The following REPS1 variants were observed in gnomAD, a reference collection of about 807,000 sequenced individuals.
The protein encoded by REPS1 is RALBP1 associated Eps domain containing 1.
In REPS1, 39 loss-of-function variants were observed where a neutral mutation model predicts 100.9. The ratio of observed to expected loss-of-function variants is 0.39; its 90% CI spans 0.30 to 0.50. The LOEUF (loss-of-function observed/expected upper bound fraction) is 0.50, where lower values mean the gene tolerates loss of function less well. Among genes scored for constraint, REPS1 ranks in the 20% least tolerant of loss-of-function variants. REPS1 has a pLI of 0.86. For missense variants in REPS1, 821 were observed against 968.5 expected (o/e 0.85, Z 2.02); for synonymous variants, 324 against 340.3 (o/e 0.95, Z 0.53).
In REPS1 at chr6:138,934,467, C is replaced by T. The variant is rs76525189; in HGVS notation, c.1136-4369G>A. ...TCACACTGACCTACGGCTTATTCTA[C>T]ATTTGTTTTAAGTTTGCAAACACTG... On this transcript the variant is annotated intron_variant, in intron 8 of 19. Coordinates refer to ENST00000450536, the MANE Select transcript of REPS1 (RefSeq NM_001286611.2). 3,095 of 349,846 alleles carry T rather than the reference C, an allele frequency of 8.8e-3. 95 individuals are homozygous for T. The highest frequency in any genetic ancestry group is 0.061 in the African/African-American group (2,840 of 46,886). The allele number at this position is 349,846 out of a possible 1,614,324, so 21.7% of individuals were successfully genotyped here. A position where few individuals can be genotyped will look rare whatever the true frequency, so the allele number is the denominator to read the frequency against.
Position 138,911,572 on chromosome 6 carries a change from G to A in REPS1, c.1972-201C>T, listed in dbSNP as rs150440477. Among the ~76,000 whole-genome samples the A allele has an allele frequency of 2.9e-3, 448 of 152,312 alleles. 1 individual carries two copies. Among genetic ancestry groups the A allele is most frequent in the African/African-American group, 0.01 (425 of 41,564 alleles). On this transcript the variant is annotated intron_variant, in intron 16 of 19. Transcript: ENST00000450536. ...ATGGGAGAGCAGGTAATAGATGTGT[G>A]AGGGAGAGGAGGACAGGGCAAGGAT...
intron 1 of REPS1, among the ~76,000 whole-genome samples, chr6:138,974,723 G>A (rs1056437521): frequency 6.6e-6 from 1 of 152,148 alleles, no homozygotes; most frequent in Non-Finnish European, 1.5e-5. Context: ...CAATATCAGA[G>A]TTAATTAACT....
chr6:138,922,576 A>G (rs1780849359), intron 10 of REPS1, among the ~76,000 whole-genome samples: 1 of 152,222 alleles, frequency 6.6e-6, no homozygotes, highest in Non-Finnish European at 1.5e-5. Flanking sequence ...CCTAGGACAC[A>G]GTAGGCCTGA....
rs185246447 is a variant in REPS1 at position 138,936,581 on chromosome 6, C to T, written c.1135+4754G>A. Among the ~76,000 whole-genome samples the T allele has an allele frequency of 1.2e-3, 119 of 102,370 alleles. No individual in the cohort carries two copies. The East Asian group carries it at 0.023, about 20-fold the overall frequency. 67.2% of individuals were successfully genotyped at this position (102,370 alleles called of 152,430 possible). A position where few individuals can be genotyped will look rare whatever the true frequency, so the allele number is the denominator to read the frequency against. Reference sequence around the variant, plus strand: ...AGAAATGACACACGACAGAGAGAGACGGCAGGGTGGGGGGGGAGACAGACA... The same window carrying T: ...AGAAATGACACACGACAGAGAGAGATGGCAGGGTGGGGGGGGAGACAGACA... On this transcript the variant is annotated intron_variant, in intron 8 of 19. Transcript: ENST00000450536.
At chr6:138,933,684 T>C (rs1409380965) in intron 8 of REPS1, among the ~76,000 whole-genome samples, 1 of 152,238 alleles carries the variant, frequency 6.6e-6, no homozygotes, top group East Asian at 1.9e-4. Flanking sequence ...CCACCCCTTT[T>C]ACAATTTTTT....
chr6:138,916,478 C>G (rs1414383154), intron 13 of REPS1, among the ~76,000 whole-genome samples: 1 of 151,984 alleles, frequency 6.6e-6, no homozygotes, highest in Non-Finnish European at 1.5e-5. Flanking sequence ...ACCTTAGCCT[C>G]CCAAAGTGCT....
At position 138,908,804 on chromosome 6, in the gene REPS1, T is replaced by A. The variant is rs761430281; in HGVS notation, c.2080A>T (p.Thr694Ser). 6 of 1,613,486 alleles carry A rather than the reference T, an allele frequency of 3.7e-6. No individual in the cohort carries two copies. In the African/African-American group the frequency reaches 8.0e-5, roughly 22 times the overall value. The change falls in exon 18 of 20, where the codon ACA (threonine) becomes TCA (serine). Residue 694 changes from threonine (T) to serine (S), a missense_variant. Thr to Ser is a moderately conservative substitution (Grantham distance 58). This residue lies in a region of REPS1 where 757 missense variants were observed against 866.4 expected (regional missense o/e 0.87). Coordinates refer to ENST00000450536, the MANE Select transcript of REPS1 (RefSeq NM_001286611.2). ...GGTTTAGGTGGTGGAGCAAGTGGTG[T>A]TGTGCCTTTGCTCTTTAAGACAAGA... The part of the protein sequence containing the change: ...SAPANVSKGT[T>S]PLAPPPKPVR...
chr6:138,941,630 T>C, intron 7 of REPS1, 141 bp from the exon 8 acceptor site: 1 of 766,590 alleles, frequency 1.3e-6, no homozygotes, highest in East Asian at 2.6e-5. Flanking sequence ...GAAAGATGTG[T>C]AATATAGCAA....
intron 18 of REPS1, among the ~76,000 whole-genome samples, chr6:138,907,807 A>T (rs924139496): frequency 3.3e-5 from 5 of 152,212 alleles, no homozygotes; most frequent in Non-Finnish European, 5.9e-5. Context: ...AGAAATTATT[A>T]AAAAAATTCT....
At chr6:138,905,803 G>A (rs1313883102) in intron 19 of REPS1, among the ~76,000 whole-genome samples, 1 of 152,082 alleles carries the variant, frequency 6.6e-6, no homozygotes, top group Non-Finnish European at 1.5e-5. Flanking sequence ...ATGACATCTG[G>A]CTATATCAAC....
At chr6:138,907,802 T>A (rs1447662891) in intron 18 of REPS1, among the ~76,000 whole-genome samples, 1 of 151,600 alleles carries the variant, frequency 6.6e-6, no homozygotes, top group African/African-American at 2.4e-5. Context: ...AAAAAAGAAA[T>A]TATTAAAAAA....
intron 7 of REPS1, among the ~76,000 whole-genome samples, chr6:138,941,888 A>AT (rs1019023087): frequency 6.6e-6 from 1 of 151,792 alleles, no homozygotes; most frequent in Non-Finnish European, 1.5e-5. Context: ...TTTTGTTTTT[A>AT]TTTTTTTTGA....
intron 5 of REPS1, 87 bp downstream of exon 5, chr6:138,944,411 A>G: frequency 6.9e-7 from 1 of 1,445,710 alleles, no homozygotes; most frequent in South Asian, 1.3e-5. Context: ...CATTTATAAA[A>G]TCTGCAACAG....
intron 7 of REPS1, among the ~76,000 whole-genome samples, chr6:138,941,807 G>A (rs62442370): frequency 0.031 from 4,671 of 152,236 alleles, 116 homozygotes; most frequent in African/African-American, 0.067. Flanking sequence ...GAAGGCATAC[G>A]TAATAAGTTA....
chr6:138,920,521 T>C (rs1004964265), intron 11 of REPS1, among the ~76,000 whole-genome samples: 1 of 152,212 alleles, frequency 6.6e-6, no homozygotes, highest in African/African-American at 2.4e-5. Flanking sequence ...AGAAGATAGT[T>C]TATAATGAAA....
chr6:138,968,578 T>C (rs1784140635), intron 1 of REPS1, among the ~76,000 whole-genome samples: 1 of 152,212 alleles, frequency 6.6e-6, no homozygotes, highest in African/African-American at 2.4e-5. Flanking sequence ...GCCATGTTCA[T>C]GGACCACTTG....
chr6:138,947,129 T>G (rs1352066082), intron 2 of REPS1, among the ~76,000 whole-genome samples: 2 of 151,900 alleles, frequency 1.3e-5, no homozygotes, highest in Admixed American at 6.6e-5. Flanking sequence ...GCCACGATTG[T>G]AGGTTTCCTG....
At chr6:138,954,169 G>A (rs1783227382) in intron 1 of REPS1, among the ~76,000 whole-genome samples, 1 of 151,694 alleles carries the variant, frequency 6.6e-6, no homozygotes, top group Admixed American at 6.6e-5. Context: ...AGTATACCAA[G>A]GCTACGAAGG....
Position 138,921,236 on chromosome 6 carries a change from A to G in REPS1, c.1339-112T>C, listed in dbSNP as rs369771862. ...CCAGTGGACAGGCTTTCCCATTTAC[A>G]CTAAGGCAGGCATGAAAATAAGCTT... On this transcript the variant is annotated intron_variant, in intron 10 of 19. Coordinates refer to ENST00000450536, the MANE Select transcript of REPS1 (RefSeq NM_001286611.2). 8 of 651,356 alleles carry G rather than the reference A, an allele frequency of 1.2e-5. 1 individual carries two copies. Among genetic ancestry groups the G allele is most frequent in the East Asian group, 2.8e-5 (1 of 35,278 alleles). The allele number at this position is 651,356 out of a possible 1,614,324, so 40.3% of individuals were successfully genotyped here. A position where few individuals can be genotyped will look rare whatever the true frequency, so the allele number is the denominator to read the frequency against.
Sources: gnomAD v4.1 joint callset for allele counts (sites outside exome capture counted in the v4.1 genomes callset) on GRCh38, gnomAD v4.1.1 for gene constraint, gnomAD v4.1.1 regional missense constraint, MANE v1.5 for transcripts, NCBI Gene and HGNC (gene_info 2026-07-23, HGNC 2026-07-21) for gene names.